The following UBR2 variants were observed in gnomAD, a reference collection of about 807,000 sequenced individuals.
The protein encoded by UBR2 is ubiquitin protein ligase E3 component n-recognin 2.
A neutral mutation model predicts 247.9 loss-of-function variants in UBR2; 92 were observed. The ratio of observed to expected loss-of-function variants is 0.37; its 90% CI spans 0.31 to 0.44. The LOEUF is 0.44. Ranked by LOEUF, UBR2 falls within the 20% of genes least tolerant of loss-of-function variation. UBR2 has a pLI of 1.00. For synonymous variants in UBR2, 672 were observed against 693.5 expected (o/e 0.97, Z 0.49); for missense variants, 1,613 against 2,112.6 (o/e 0.76, Z 4.64).
At chr6:42,618,570 A>G (rs896259299) in intron 11 of UBR2, among the ~76,000 whole-genome samples, 1 of 152,182 alleles carries the variant, frequency 6.6e-6, no homozygotes, top group Non-Finnish European at 1.5e-5. Context: ...GGATTTTTGC[A>G]TTTTGTCTTA....
At chr6:42,645,625 A>G in intron 21 of UBR2, 35 bp downstream of exon 21, 2 of 1,604,172 alleles carry the variant, frequency 1.2e-6, no homozygotes, top group South Asian at 1.1e-5. Flanking sequence ...AAAACCATAG[A>G]AACTTTTCCC....
chr6:42,636,187 T>G lies in UBR2; in HGVS notation c.1674+641T>G, dbSNP rs1269074303. Reference sequence around the variant, plus strand: ...CCATGGTTGTTTTTTTTTTTGTTTTTTTTTTTTTTGAGACACAGCTTACTC... The same window carrying G: ...CCATGGTTGTTTTTTTTTTTGTTTTGTTTTTTTTTGAGACACAGCTTACTC... On this transcript the variant is annotated intron_variant, in intron 14 of 46. Transcript: ENST00000372901. Among the ~76,000 whole-genome samples the G allele has an allele frequency of 2.3e-4, 35 of 150,202 alleles. No individual in the cohort carries two copies. The South Asian group carries it at 6.8e-3, about 29-fold the overall frequency.
chr6:42,649,978 G>A (rs1797018238), intron 22 of UBR2, among the ~76,000 whole-genome samples: 1 of 152,158 alleles, frequency 6.6e-6, no homozygotes, highest in African/African-American at 2.4e-5. Flanking sequence ...TGTTAATGGT[G>A]TTCAGTTGTT....
At chr6:42,609,896 A>C (rs1454482702) in intron 7 of UBR2, among the ~76,000 whole-genome samples, 7 of 141,714 alleles carry the variant, frequency 4.9e-5, no homozygotes, top group African/African-American at 1.5e-4. Flanking sequence ...ACCCTGTTAC[A>C]AAAAAAAAAA....
chr6:42,586,532 GTC>G lies in UBR2; in HGVS notation c.339-5613_339-5612del, dbSNP rs1408468945. ...ACCATTTGCTATTTGTTTTCAGTTT[GTC>G]TCTCTTTTTTTTTTTTTTTTTTTTG... is the stretch of plus-strand genomic sequence containing the variant. On this transcript the variant is annotated intron_variant, in intron 2 of 46. Coordinates refer to ENST00000372901, the MANE Select transcript of UBR2 (RefSeq NM_001363705.2). Among the ~76,000 whole-genome samples the G allele has an allele frequency of 3.9e-3, 458 of 117,376 alleles. 1 individual carries two copies. The highest frequency in any genetic ancestry group is 0.012 in the African/African-American group (384 of 30,896). The allele number at this position is 117,376 out of a possible 152,430, so 77.0% of individuals were successfully genotyped here. A position where few individuals can be genotyped will look rare whatever the true frequency, so the allele number is the denominator to read the frequency against.
At chr6:42,618,546 A>G (rs1056189161) in intron 11 of UBR2, among the ~76,000 whole-genome samples, 2 of 152,244 alleles carry the variant, frequency 1.3e-5, no homozygotes, top group African/African-American at 2.4e-5. Context: ...AGCTAGTATG[A>G]TAGGCCAAAT....
intron 11 of UBR2, chr6:42,620,048 C>G (rs139151262): frequency 1.1e-6 from 1 of 934,336 alleles, no homozygotes; most frequent in Non-Finnish European, 1.3e-6. Flanking sequence ...TCTGTCTGGT[C>G]TATCTGGATA....
At chr6:42,630,121 TAGTAGC>T (rs1295392682) in intron 11 of UBR2, among the ~76,000 whole-genome samples, 1 of 149,834 alleles carries the variant, frequency 6.7e-6, no homozygotes, top group African/African-American at 2.5e-5. Flanking sequence ...GCAGTAGTAG[TAGTAGC>T]AGTAGCAGTA....
Position 42,689,700 on chromosome 6 carries a change from A to G in UBR2, c.5126+30A>G, listed in dbSNP as rs1239468104. The G allele has an allele frequency of 1.9e-6, 3 of 1,593,714 alleles. No homozygotes were observed. Among genetic ancestry groups the G allele is most frequent in the Admixed American group, 1.7e-5 (1 of 59,940 alleles). ...GAACCCATCCTGAGTTAGCTAACTC[A>G]GGGCCTGCAGCGCCCTTCCGTATGT... On this transcript the variant is annotated intron_variant, in intron 46 of 46. Transcript: ENST00000372901. The surrounding 1 kb of genome is among the most constrained non-coding windows in gnomAD (Gnocchi z 4.0).
intron 2 of UBR2, among the ~76,000 whole-genome samples, chr6:42,576,054 G>T (rs1294650161): frequency 6.7e-6 from 1 of 149,762 alleles, no homozygotes. Context: ...TTTCTTCCTG[G>T]TACAACAAGA....
intron 8 of UBR2, among the ~76,000 whole-genome samples, chr6:42,614,205 A>AAT (rs1562310782): frequency 3.8e-5 from 1 of 26,614 alleles, no homozygotes; most frequent in African/African-American, 1.6e-4. Context: ...AAAAAAAAAA[A>AAT]CTATATATAT....
At chr6:42,567,376 G>A (rs1052794582) in intron 1 of UBR2, among the ~76,000 whole-genome samples, 1 of 152,146 alleles carries the variant, frequency 6.6e-6, no homozygotes, top group East Asian at 1.9e-4. Context: ...ACACTTCTTG[G>A]CTCTGTTTAC....
At chr6:42,616,600 A>T (rs1794569126) in intron 10 of UBR2, among the ~76,000 whole-genome samples, 1 of 151,902 alleles carries the variant, frequency 6.6e-6, no homozygotes, top group South Asian at 2.1e-4. Flanking sequence ...ATAGATTGCA[A>T]ATATTTCATG....
At chr6:42,599,504 C>T (rs575099823) in intron 4 of UBR2, among the ~76,000 whole-genome samples, 1 of 152,226 alleles carries the variant, frequency 6.6e-6, no homozygotes, top group Non-Finnish European at 1.5e-5. Flanking sequence ...GGGATTTAAA[C>T]CTATGTAGTA....
chr6:42,579,696 A>T (rs1488185549), intron 2 of UBR2, among the ~76,000 whole-genome samples: 1 of 152,092 alleles, frequency 6.6e-6, no homozygotes, highest in East Asian at 1.9e-4. Flanking sequence ...TTTTGTAGAA[A>T]CAGAGTTTCC....
At chr6:42,593,660 C>T (rs956438832) in intron 3 of UBR2, among the ~76,000 whole-genome samples, 2 of 152,152 alleles carry the variant, frequency 1.3e-5, no homozygotes, top group African/African-American at 2.4e-5. Flanking sequence ...AGGCAGTCTA[C>T]TTTTGCATTT....
At chr6:42,637,582 A>C (rs1054673095) in intron 15 of UBR2, among the ~76,000 whole-genome samples, 3 of 152,198 alleles carry the variant, frequency 2.0e-5, no homozygotes, top group Non-Finnish European at 4.4e-5. Flanking sequence ...TTAATCTGTC[A>C]CTTAAGCAAT....
Position 42,667,413 on chromosome 6 carries a change from A to T in UBR2, c.3881+1168A>T, listed in dbSNP as rs1798168440. ...CCCCAGTCCTGTCATTTTATTTGTC[A>T]CTTCTAGTGTTTACTTCCATATTTC... is the stretch of plus-strand genomic sequence containing the variant. On this transcript the variant is annotated intron_variant, in intron 34 of 46. Coordinates refer to ENST00000372901, the MANE Select transcript of UBR2 (RefSeq NM_001363705.2). Among the ~76,000 whole-genome samples, 4 of 151,258 alleles carry T rather than the reference A, an allele frequency of 2.6e-5. 1 individual carries two copies. Among genetic ancestry groups the T allele is most frequent in the Admixed American group, 2.0e-4 (3 of 15,170 alleles).
chr6:42,587,278 G>A (rs1792352477), intron 2 of UBR2, among the ~76,000 whole-genome samples: 1 of 152,080 alleles, frequency 6.6e-6, no homozygotes, highest in South Asian at 2.1e-4. Flanking sequence ...CTGGACTAGA[G>A]GTTGGGAAGC....
Sources: gnomAD v4.1 joint callset for allele counts (sites outside exome capture counted in the v4.1 genomes callset) on GRCh38, gnomAD v4.1.1 for gene constraint, Gnocchi (gnomAD v3.1) non-coding constraint, MANE v1.5 for transcripts, NCBI Gene and HGNC (gene_info 2026-07-23, HGNC 2026-07-21) for gene names.